TBC1D4: variants seen among roughly 807,000 people sequenced by gnomAD.
TBC1D4 encodes TBC (Tre-2, BUB2, CDC16) domain-containing protein.
A neutral mutation model predicts 142.5 loss-of-function variants in TBC1D4; 121 were observed. The observed-to-expected ratio is 0.85, with a 90% CI of 0.73 to 0.99. The LOEUF is 0.99. Among genes scored for constraint, TBC1D4 ranks in the 50% least tolerant of loss-of-function variants. The pLI, the probability that TBC1D4 is intolerant of heterozygous loss-of-function variation, is 0.00. For synonymous variants in TBC1D4, 630 were observed against 628.2 expected, an observed-to-expected ratio of 1.00 and a Z score of -0.04; for missense variants, 1,475 against 1,606.6, an observed-to-expected ratio of 0.92 and a Z score of 1.40.
intron 8 of TBC1D4, among the ~76,000 whole-genome samples, chr13:75,329,400 T>G (rs1879558351): frequency 1.5e-5 from 2 of 137,328 alleles, no homozygotes; most frequent in African/African-American, 2.7e-5. Context: ...TCCCCTCCCC[T>G]TCCCTCCCCT....
chr13:75,371,902 TAAG>T (rs1247578033), intron 1 of TBC1D4, among the ~76,000 whole-genome samples: 4 of 152,214 alleles, frequency 2.6e-5, no homozygotes, highest in Non-Finnish European at 1.5e-5. Context: ...CTTCTCAAAA[TAAG>T]AATAACATAC....
chr13:75,336,956 A>C lies in TBC1D4; in HGVS notation c.1696T>G (p.Ser566Ala). Residue 566 changes from serine to alanine, a missense_variant, in exon 8 of 21, where the codon TCC becomes GCC. By Grantham distance (99) the Ser-to-Ala change is moderately conservative (BLOSUM62 1). Coordinates refer to ENST00000377636, the MANE Select transcript of TBC1D4 (RefSeq NM_014832.5). Reference protein sequence around the residue: ...LDILKNKAKRSLTSSLENIFS... With the variant: ...LDILKNKAKRALTSSLENIFS... ...ATATTTTCCAGGGAGCTAGTTAAGG[A>C]TCTCTTAGCTTTATTTTTCAGAATG... is the stretch of plus-strand genomic sequence containing the variant. The C allele has an allele frequency of 6.2e-7, 1 of 1,613,600 alleles. No homozygotes were observed. Among genetic ancestry groups the C allele is most frequent in the Non-Finnish European group, 8.5e-7 (1 of 1,179,758 alleles).
intron 1 of TBC1D4, among the ~76,000 whole-genome samples, chr13:75,405,363 G>A (rs1043180471): frequency 1.4e-5 from 2 of 144,630 alleles, no homozygotes; most frequent in African/African-American, 5.1e-5. Context: ...TCCGCCTCCC[G>A]GGTTCAAGCA....
At chr13:75,438,698 T>A (rs1886905375) in intron 1 of TBC1D4, among the ~76,000 whole-genome samples, 1 of 152,214 alleles carries the variant, frequency 6.6e-6, no homozygotes, top group Admixed American at 6.5e-5. Context: ...TCTTCACTTA[T>A]TTTTTAAAGC....
chr13:75,414,564 T>C (rs1885830781), intron 1 of TBC1D4, among the ~76,000 whole-genome samples: 1 of 151,980 alleles, frequency 6.6e-6, no homozygotes, highest in South Asian at 2.1e-4. Flanking sequence ...TTGGTGTTTG[T>C]GTGTGTTTAT....
chr13:75,309,824 A>T, intron 14 of TBC1D4, 118 bp downstream of exon 14: 1 of 940,404 alleles, frequency 1.1e-6, no homozygotes, highest in Non-Finnish European at 1.7e-6. Flanking sequence ...TATTCTTCTT[A>T]AAGTGTGCAT....
chr13:75,302,871 T>G (rs77869983), intron 15 of TBC1D4: 5,291 of 209,518 alleles, frequency 0.025, 292 homozygotes, highest in African/African-American at 0.12. Flanking sequence ...GGCCAAATCC[T>G]GATATCCCAA....
chr13:75,415,988 G>A (rs184479590), intron 1 of TBC1D4, among the ~76,000 whole-genome samples: 37 of 152,268 alleles, frequency 2.4e-4, no homozygotes, highest in African/African-American at 7.9e-4. Flanking sequence ...GACTCACTAG[G>A]AATTGTGCAA....
At chr13:75,356,063 G>T in intron 4 of TBC1D4, 84 bp downstream of exon 4, 1 of 1,003,390 alleles carries the variant, frequency 1.0e-6, no homozygotes, top group Non-Finnish European at 1.6e-6. Context: ...TAGCCATATT[G>T]CAAGGCTTGG....
At chr13:75,425,761 A>T (rs1057156674) in intron 1 of TBC1D4, among the ~76,000 whole-genome samples, 1 of 152,172 alleles carries the variant, frequency 6.6e-6, no homozygotes, top group African/African-American at 2.4e-5. Flanking sequence ...ATCTAAAAAA[A>T]ATTAACTCAT....
At chr13:75,394,422 G>A (rs1298381226) in intron 1 of TBC1D4, among the ~76,000 whole-genome samples, 2 of 152,056 alleles carry the variant, frequency 1.3e-5, no homozygotes, top group South Asian at 4.2e-4. Context: ...AAACACAAGA[G>A]GTCATCAAAA....
chr13:75,322,894 C>T lies in TBC1D4; in HGVS notation c.2198+1343G>A, dbSNP rs369494320. ...TTCCATAAGGTCGTCCCTGAAAGCA[C>T]TCTAAAGTAAATTCTTCATATACTT... On this transcript the variant is annotated intron_variant, in intron 11 of 20. Transcript: ENST00000377636. Among the ~76,000 whole-genome samples, 434 of 152,222 alleles carry T rather than the reference C, an allele frequency of 2.9e-3. 9 individuals are homozygous for T. In the South Asian group the frequency reaches 0.054, roughly 19 times the overall value.
intron 1 of TBC1D4, among the ~76,000 whole-genome samples, chr13:75,436,995 C>CTGAGAAATAT (rs1886826975): frequency 6.6e-6 from 1 of 152,118 alleles, no homozygotes; most frequent in Non-Finnish European, 1.5e-5. Flanking sequence ...ATTAGCCAAA[C>CTGAGAAATAT]CCAAACTGAG....
chr13:75,374,919 A>G, intron 1 of TBC1D4, among the ~76,000 whole-genome samples: 1 of 152,170 alleles, frequency 6.6e-6, no homozygotes, highest in East Asian at 1.9e-4. Flanking sequence ...GATGCTGCCA[A>G]TCCTTGCACC....
rs76772170 is a variant in TBC1D4 at position 75,372,011 on chromosome 13, G to A, written c.499-9404C>T. ...CTATGGGCATGATTTCTAAAATGGC[G>A]AAATTAGAAACAAAGTTATCAAAAC... On this transcript the variant is annotated intron_variant, in intron 1 of 20. Transcript: ENST00000377636. Among the ~76,000 whole-genome samples, 883 of 152,072 alleles carry A rather than the reference G, an allele frequency of 5.8e-3. 10 individuals are homozygous for A. Among genetic ancestry groups the A allele is most frequent in the South Asian group, 0.02 (97 of 4,824 alleles).
At chr13:75,301,024 G>C (rs2137883955) in intron 16 of TBC1D4, among the ~76,000 whole-genome samples, 1 of 152,246 alleles carries the variant, frequency 6.6e-6, no homozygotes, top group African/African-American at 2.4e-5. Flanking sequence ...TCCTTTCCCA[G>C]TAAGAGCCAT....
rs759542391 is a variant in TBC1D4 at position 75,299,592 on chromosome 13, G to A, written c.2912-18C>T. 43 of 1,613,646 alleles carry A rather than the reference G, an allele frequency of 2.7e-5. No individual in the cohort carries two copies. The South Asian group carries it at 4.1e-4, about 15-fold the overall frequency. ...CGTCCTTCCTGCAGAGGAAAAGAAG[G>A]AAAATATTTTTTGAAATGTCCTCAT... On this transcript the variant is annotated intron_variant, in intron 16 of 20. Coordinates refer to ENST00000377636, the MANE Select transcript of TBC1D4 (RefSeq NM_014832.5).
chr13:75,387,225 G>C (rs556144754), intron 1 of TBC1D4, among the ~76,000 whole-genome samples: 28 of 152,218 alleles, frequency 1.8e-4, no homozygotes, highest in African/African-American at 6.7e-4. Flanking sequence ...TCCCTTATCT[G>C]TTTCTGCACT....
chr13:75,465,456 A>C (rs1888128277), intron 1 of TBC1D4, among the ~76,000 whole-genome samples: 1 of 152,238 alleles, frequency 6.6e-6, no homozygotes, highest in Non-Finnish European at 1.5e-5. Context: ...AACAGCTAGA[A>C]AATCATAATC....
Sources: gnomAD v4.1 joint callset for allele counts (sites outside exome capture counted in the v4.1 genomes callset) on GRCh38, gnomAD v4.1.1 for gene constraint, MANE v1.5 for transcripts, NCBI Gene and HGNC (gene_info 2026-07-23, HGNC 2026-07-21) for gene names.